CCDC60: variants seen among roughly 807,000 people sequenced by gnomAD.
The protein encoded by CCDC60 is coiled-coil domain-containing protein 60.
Under a neutral mutation model 63.5 loss-of-function variants are expected in CCDC60, and 54 were observed. The ratio of observed to expected loss-of-function variants is 0.85; its 90% CI spans 0.68 to 1.07. The LOEUF is 1.07. Among genes scored for constraint, CCDC60 ranks in the 50% least tolerant of loss-of-function variants. CCDC60 has a pLI of 0.00. For missense variants in CCDC60, 651 were observed against 684.3 expected (o/e 0.95, Z 0.54); for synonymous variants, 206 against 238.8 (o/e 0.86, Z 1.27).
intron 13 of CCDC60, among the ~76,000 whole-genome samples, chr12:119,535,807 C>A (rs1453773830): frequency 6.6e-6 from 1 of 152,186 alleles, no homozygotes; most frequent in African/African-American, 2.4e-5. Context: ...TGCTCTTTTA[C>A]ATTTGCTGAG....
At chr12:119,443,103 C>G (rs1333124989) in intron 2 of CCDC60, among the ~76,000 whole-genome samples, 1 of 152,224 alleles carries the variant, frequency 6.6e-6, no homozygotes, top group Non-Finnish European at 1.5e-5. Flanking sequence ...AGGAATATCA[C>G]TTTCTACCTG....
At chr12:119,400,302 G>T (rs1482041918) in intron 1 of CCDC60, among the ~76,000 whole-genome samples, 1 of 152,216 alleles carries the variant, frequency 6.6e-6, no homozygotes, top group Non-Finnish European at 1.5e-5. Context: ...ACCCGCCTTG[G>T]CCTCCCAAAG....
chr12:119,502,873 A>G (rs1278261268), intron 6 of CCDC60, among the ~76,000 whole-genome samples: 1 of 152,088 alleles, frequency 6.6e-6, no homozygotes, highest in Non-Finnish European at 1.5e-5. Flanking sequence ...ACCCTTCAAA[A>G]ATTACATTGA....
chr12:119,520,280 TG>T, intron 9 of CCDC60, 88 bp downstream of exon 9: 1 of 1,113,180 alleles, frequency 9.0e-7, no homozygotes, highest in South Asian at 1.4e-5. Context: ...CCCCAGACCA[TG>T]GAAAGTGGGA....
intron 2 of CCDC60, among the ~76,000 whole-genome samples, chr12:119,446,173 A>C (rs1254998267): frequency 2.0e-5 from 3 of 152,246 alleles, no homozygotes; most frequent in Admixed American, 2.0e-4. Flanking sequence ...TCTCAAAAAA[A>C]AAGCTTACAT....
chr12:119,404,653 G>C (rs1956453647), intron 1 of CCDC60, among the ~76,000 whole-genome samples: 1 of 152,224 alleles, frequency 6.6e-6, no homozygotes, highest in African/African-American at 2.4e-5. Context: ...GTCCTGGTTA[G>C]TTGCCAAAGA....
chr12:119,418,371 T>C (rs560630819), intron 1 of CCDC60, among the ~76,000 whole-genome samples: 8 of 148,490 alleles, frequency 5.4e-5, no homozygotes, highest in African/African-American at 1.5e-4. Context: ...TCTTTCTTTT[T>C]CCTTTTCTTT....
chr12:119,464,406 TCCTC>T (rs896012933), intron 2 of CCDC60, among the ~76,000 whole-genome samples: 2 of 150,146 alleles, frequency 1.3e-5, no homozygotes, highest in East Asian at 2.0e-4. Flanking sequence ...CCTTTCCTCT[TCCTC>T]CCTCCCTCCC....
Position 119,428,703 on chromosome 12 carries a change from G to A in CCDC60, c.111G>A (p.Lys37=), listed in dbSNP as rs1284892247. The A allele has an allele frequency of 1.2e-6, 2 of 1,606,162 alleles. No individual in the cohort carries two copies. The highest frequency in any genetic ancestry group is 1.7e-6 in the Non-Finnish European group (2 of 1,175,062). ...ATCAGGTCCCAGACAAGCCAATGAA[G>A]AGCATCAAGTATATGGACAAGGAAA... ...NLRQVPDKPM[K]SIKYMDKEII... Residue 37 remains lysine, a synonymous_variant, in exon 2 of 14, where the codon AAG becomes AAA. Coordinates refer to ENST00000327554, the MANE Select transcript of CCDC60 (RefSeq NM_178499.5).
At chr12:119,371,588 C>G (rs1041536160) in intron 1 of CCDC60, among the ~76,000 whole-genome samples, 2 of 152,238 alleles carry the variant, frequency 1.3e-5, no homozygotes, top group African/African-American at 4.8e-5. Flanking sequence ...AGACACTTCT[C>G]TTTTCTGAGC....
chr12:119,474,000 G>A (rs561974510), intron 3 of CCDC60, among the ~76,000 whole-genome samples: 1 of 152,278 alleles, frequency 6.6e-6, no homozygotes, highest in South Asian at 2.1e-4. Flanking sequence ...TGGGATTGCT[G>A]GATCAAATGG....
intron 1 of CCDC60, among the ~76,000 whole-genome samples, chr12:119,360,282 G>C (rs959339461): frequency 6.7e-6 from 1 of 148,928 alleles, no homozygotes. Flanking sequence ...GCGGCTGGCC[G>C]GGCAGGGGGC....
At chr12:119,439,258 T>C (rs1238745647) in intron 2 of CCDC60, among the ~76,000 whole-genome samples, 2 of 151,718 alleles carry the variant, frequency 1.3e-5, no homozygotes, top group Non-Finnish European at 2.9e-5. Flanking sequence ...ATCAAACTTG[T>C]GTGTGTGTGC....
rs114361866 is a variant in CCDC60, at chr12:119,435,312, A to T, written c.170+6550A>T. Reference sequence around the variant, plus strand: ...AAGGGGGAAGGCTTATTAGCTTAGTAGGGAAAGTGAATAAGTGAGGGGGCT... The same window carrying T: ...AAGGGGGAAGGCTTATTAGCTTAGTTGGGAAAGTGAATAAGTGAGGGGGCT... On this transcript the variant is annotated intron_variant, in intron 2 of 13. Transcript: ENST00000327554. 3.2e-4 allele frequency among the ~76,000 whole-genome samples: 48 copies of T among 152,350 alleles called. 1 individual carries two copies. Among genetic ancestry groups the T allele is most frequent in the African/African-American group, 1.0e-3 (42 of 41,592 alleles).
At chr12:119,491,118 G>T (rs1424306952) in intron 5 of CCDC60, among the ~76,000 whole-genome samples, 1 of 152,054 alleles carries the variant, frequency 6.6e-6, no homozygotes, top group African/African-American at 2.4e-5. Flanking sequence ...TTCTCTACAT[G>T]ATTTTCCCCT....
chr12:119,446,813 G>A (rs1299240354), intron 2 of CCDC60, among the ~76,000 whole-genome samples: 1 of 151,966 alleles, frequency 6.6e-6, no homozygotes, highest in Non-Finnish European at 1.5e-5. Context: ...GATATTTTTG[G>A]TCTAGAAAAG....
intron 2 of CCDC60, among the ~76,000 whole-genome samples, chr12:119,443,001 A>C (rs1043702081): frequency 6.6e-6 from 1 of 152,240 alleles, no homozygotes; most frequent in Non-Finnish European, 1.5e-5. Flanking sequence ...TGGAAAGCAA[A>C]ATGAAAAGAG....
Position 119,410,972 on chromosome 12 carries a change from A to AT in CCDC60, c.91-17710dup, listed in dbSNP as rs1243714767. ...ATGTTGGCTAGGCTGGCCTCAAGTG[A>AT]TCCCCACACCTCAGCCTCCCAAAGT... is the stretch of plus-strand genomic sequence containing the variant. On this transcript the variant is annotated intron_variant, in intron 1 of 13. Coordinates refer to ENST00000327554, the MANE Select transcript of CCDC60 (RefSeq NM_178499.5). The surrounding 1 kb of genome is among the most constrained non-coding windows in gnomAD (Gnocchi z 4.0). 1.1e-4 allele frequency among the ~76,000 whole-genome samples: 17 copies of AT among 152,084 alleles called. No homozygotes were observed. The highest frequency in any genetic ancestry group is 4.1e-4 in the African/African-American group (17 of 41,392).
At chr12:119,472,258 C>A in intron 3 of CCDC60, 94 bp downstream of exon 3, 1 of 1,172,586 alleles carries the variant, frequency 8.5e-7, no homozygotes, top group Non-Finnish European at 1.2e-6. Context: ...GCAGCTATCT[C>A]AGAGCACGTG....
Sources: gnomAD v4.1 joint callset for allele counts (sites outside exome capture counted in the v4.1 genomes callset) on GRCh38, gnomAD v4.1.1 for gene constraint, Gnocchi (gnomAD v3.1) non-coding constraint, MANE v1.5 for transcripts, NCBI Gene and HGNC (gene_info 2026-07-23, HGNC 2026-07-21) for gene names.